PLG: variants seen among roughly 807,000 people sequenced by gnomAD.
PLG encodes the protein plasmin.
In PLG, 41 loss-of-function variants were observed where a neutral mutation model predicts 104.4. The ratio of observed to expected loss-of-function variants is 0.39; its 90% CI spans 0.31 to 0.51. The LOEUF (loss-of-function observed/expected upper bound fraction) is 0.51. Among genes scored for constraint, PLG ranks in the 20% least tolerant of loss-of-function variants. The pLI, the probability that PLG is intolerant of heterozygous loss-of-function variation, is 0.76. For synonymous variants in PLG, 337 were observed against 357.1 expected (o/e 0.94, Z 0.63); for missense variants, 891 against 1,003.6 (o/e 0.89, Z 1.52).
chr6:160,709,417 T>C (rs1412028153), intron 3 of PLG, among the ~76,000 whole-genome samples: 1 of 152,204 alleles, frequency 6.6e-6, no homozygotes, highest in East Asian at 1.9e-4. Flanking sequence ...CTTCCCTGTT[T>C]AAAGCCCTTC....
chr6:160,724,927 G>A lies in PLG; in HGVS notation c.1256+2360G>A, dbSNP rs568285269. Among the ~76,000 whole-genome samples the A allele has an allele frequency of 6.6e-6, 1 of 152,314 alleles. No homozygotes were observed. Among genetic ancestry groups the A allele is most frequent in the Admixed American group, 6.5e-5 (1 of 15,292 alleles). ...ATGAAGAACCCTGGAAATGGCAAATGTAAAAGATTCATATTTAATGCCTTA... is the reference window on the plus strand; with the variant it reads ...ATGAAGAACCCTGGAAATGGCAAATATAAAAGATTCATATTTAATGCCTTA... On this transcript the variant is annotated intron_variant, in intron 10 of 18. Coordinates refer to ENST00000308192, the MANE Select transcript of PLG (RefSeq NM_000301.5). This position sits in a 1 kb window ranked among gnomAD's most constrained non-coding sequence, Gnocchi z 5.0.
rs1020833819 is a variant in PLG at position 160,736,501 on chromosome 6, G to T, written c.1682-386G>T. Among the ~76,000 whole-genome samples, 1 of 152,186 alleles carries T rather than the reference G, an allele frequency of 6.6e-6. No individual in the cohort carries two copies. Among genetic ancestry groups the T allele is most frequent in the Non-Finnish European group, 1.5e-5 (1 of 68,030 alleles). ...GTAAACTTTACATGGTTTAGATGGT[G>T]ATGGTGATGATGATGATTATGGGAA... is the stretch of plus-strand genomic sequence containing the variant. On this transcript the variant is annotated intron_variant, in intron 13 of 18. Coordinates refer to ENST00000308192, the MANE Select transcript of PLG (RefSeq NM_000301.5). This position sits in a 1 kb window ranked among gnomAD's most constrained non-coding sequence, Gnocchi z 5.2.
At position 160,748,542 on chromosome 6, in the gene PLG, T is replaced by C. The variant is rs138722044; in HGVS notation, c.2126-3573T>C. ...AGCTGAAATGTGGGCTGCAGGGCTA[T>C]TGGGGGAGAAACAATAAGAAAGTGC... On this transcript the variant is annotated intron_variant, in intron 17 of 18. Transcript: ENST00000308192. 2.0e-4 allele frequency among the ~76,000 whole-genome samples: 31 copies of C among 151,488 alleles called. No homozygotes were observed. In the East Asian group the frequency reaches 4.1e-3, roughly 20 times the overall value.
Position 160,716,752 on chromosome 6 carries a change from T to A in PLG, c.776T>A (p.Ile259Asn). 1 of 1,587,800 alleles carries A rather than the reference T, an allele frequency of 6.3e-7. No homozygotes were observed. Among genetic ancestry groups the A allele is most frequent in the East Asian group, 2.2e-5 (1 of 44,764 alleles). Residue 259 changes from isoleucine (I) to asparagine (N), a missense_variant, in exon 7 of 19, where the codon ATC becomes AAC. Coordinates refer to ENST00000308192, the MANE Select transcript of PLG (RefSeq NM_000301.5). ...AACAAGCGCTGGGAACTTTGTGACA[T>A]CCCCCGCTGCAGTGAGTATGATGCA... Reference protein sequence around the residue: ...DPNKRWELCDIPRCTTPPPSS... With the variant: ...DPNKRWELCDNPRCTTPPPSS...
chr6:160,741,988 T>G lies in PLG; in HGVS notation c.2125+571T>G, dbSNP rs921684569. Among the ~76,000 whole-genome samples the G allele has an allele frequency of 2.0e-5, 3 of 152,180 alleles. No homozygotes were observed. The highest frequency in any genetic ancestry group is 2.9e-5 in the Non-Finnish European group (2 of 68,016). On this transcript the variant is annotated intron_variant, in intron 17 of 18. Transcript: ENST00000308192. This position sits in a 1 kb window ranked among gnomAD's most constrained non-coding sequence, Gnocchi z 4.7. The stretch of plus-strand genomic sequence containing the variant: ...CCATTCATGTTCCTGTAAAAGATAT[T>G]ACCTCATTCTTTCTTATGGCTAAAC...
chr6:160,723,295 A>G lies in PLG; in HGVS notation c.1256+728A>G, dbSNP rs1429937949. Among the ~76,000 whole-genome samples the G allele has an allele frequency of 6.6e-6, 1 of 152,212 alleles. No individual in the cohort carries two copies. Among genetic ancestry groups the G allele is most frequent in the Non-Finnish European group, 1.5e-5 (1 of 68,044 alleles). On this transcript the variant is annotated intron_variant, in intron 10 of 18. Transcript: ENST00000308192. The surrounding 1 kb of genome is among the most constrained non-coding windows in gnomAD (Gnocchi z 4.7). ...CAGGATACGCAGATGCTGAACAGCG[A>G]AAGAGGCCATTAGATGAACAGAAAA...
chr6:160,750,637 G>A (rs1269974235), intron 17 of PLG, among the ~76,000 whole-genome samples: 3 of 152,298 alleles, frequency 2.0e-5, no homozygotes, highest in East Asian at 3.9e-4. Context: ...GGAGCCAGGC[G>A]CTGGGATGAG....
At chr6:160,730,707 G>A (rs1777985741) in intron 10 of PLG, 2 of 270,752 alleles carry the variant, frequency 7.4e-6, no homozygotes, top group African/African-American at 2.2e-5. Context: ...TATAAAATAT[G>A]CACTTTAAAA....
In PLG at chr6:160,752,101, C is replaced by G; in HGVS notation, c.2126-14C>G. ...TGGGTGCAGTTGCCATTTCTTTCAT[C>G]TTTTTAAACACAGGTACTTTTGGAG... is the stretch of plus-strand genomic sequence containing the variant. On this transcript the variant is annotated splice_polypyrimidine_tract_variant and intron_variant, in intron 17 of 18. Transcript: ENST00000308192. The surrounding 1 kb of genome is among the most constrained non-coding windows in gnomAD (Gnocchi z 4.7). 1 of 1,612,360 alleles carries G rather than the reference C, an allele frequency of 6.2e-7. No individual in the cohort carries two copies. Among genetic ancestry groups the G allele is most frequent in the Non-Finnish European group, 8.5e-7 (1 of 1,178,566 alleles).
Position 160,716,491 on chromosome 6 carries a change from T to A in PLG, c.669-154T>A, listed in dbSNP as rs4252108. Among the ~76,000 whole-genome samples, 102,620 of 151,974 alleles carry A rather than the reference T, an allele frequency of 0.68. 35,141 individuals are homozygous for A. The highest frequency in any genetic ancestry group is 0.81 in the Middle Eastern group (238 of 294). Reference sequence around the variant, plus strand: ...GAATACAGGGCCAACCTTGTTTCCTTGTTGCCATCTCTGAACACAGCCTTC... The same window carrying A: ...GAATACAGGGCCAACCTTGTTTCCTAGTTGCCATCTCTGAACACAGCCTTC... On this transcript the variant is annotated intron_variant, in intron 6 of 18. Coordinates refer to ENST00000308192, the MANE Select transcript of PLG (RefSeq NM_000301.5).
chr6:160,735,653 G>A lies in PLG; in HGVS notation c.1682-1234G>A, dbSNP rs1003427064. ...TTGACTCGTGCTTGAGAAAGCTAGA[G>A]CCTCTGGTGGTGAATGATTTTAATA... On this transcript the variant is annotated intron_variant, in intron 13 of 18. Coordinates refer to ENST00000308192, the MANE Select transcript of PLG (RefSeq NM_000301.5). This position sits in a 1 kb window ranked among gnomAD's most constrained non-coding sequence, Gnocchi z 5.4. Among the ~76,000 whole-genome samples the A allele has an allele frequency of 6.6e-6, 1 of 152,174 alleles. No homozygotes were observed. Among genetic ancestry groups the A allele is most frequent in the Non-Finnish European group, 1.5e-5 (1 of 68,028 alleles).
intron 1 of PLG, among the ~76,000 whole-genome samples, chr6:160,703,835 T>G (rs1313683097): frequency 6.6e-6 from 1 of 152,198 alleles, no homozygotes; most frequent in Non-Finnish European, 1.5e-5. Context: ...TTAACATATG[T>G]TTTAACCCAC....
In PLG at chr6:160,716,739, G is replaced by A. The variant is rs760649328; in HGVS notation, c.763G>A (p.Glu255Lys). 6.2e-7 allele frequency: 1 copy of A among 1,610,054 alleles called. No homozygotes were observed. The highest frequency in any genetic ancestry group is 8.5e-7 in the Non-Finnish European group (1 of 1,176,280). The change falls in exon 7 of 19, where the codon GAA (glutamate) becomes AAA (lysine). Residue 255 changes from glutamate (E) to lysine (K), a missense_variant. Physicochemically the swap from Glu to Lys is moderately conservative, Grantham distance 56 (BLOSUM62 1). Transcript: ENST00000308192. ...CFTTDPNKRW[E>K]LCDIPRCTTP... The stretch of plus-strand genomic sequence containing the variant: ...CACCACCGACCCCAACAAGCGCTGG[G>A]AACTTTGTGACATCCCCCGCTGCAG...
At chr6:160,751,271 G>A (rs982660880) in intron 17 of PLG, among the ~76,000 whole-genome samples, 4 of 152,204 alleles carry the variant, frequency 2.6e-5, no homozygotes, top group African/African-American at 7.2e-5. Flanking sequence ...CAAGAGTGGG[G>A]CCAACACGCA....
chr6:160,708,853 C>T (rs762803860), intron 3 of PLG, among the ~76,000 whole-genome samples: 47 of 152,020 alleles, frequency 3.1e-4, no homozygotes, highest in Admixed American at 1.5e-3. Context: ...CTATTTATCT[C>T]GAATTCTTGA....
In PLG at chr6:160,731,686, T is replaced by G; in HGVS notation, c.1439-59T>G. Reference sequence around the variant, plus strand: ...GAGAAACCTGACATGACTGTATTGATTCCATATCATCCTGGGTCTCTGTGG... The same window carrying G: ...GAGAAACCTGACATGACTGTATTGAGTCCATATCATCCTGGGTCTCTGTGG... On this transcript the variant is annotated intron_variant, in intron 11 of 18. Coordinates refer to ENST00000308192, the MANE Select transcript of PLG (RefSeq NM_000301.5). The surrounding 1 kb of genome is among the most constrained non-coding windows in gnomAD (Gnocchi z 5.1). The G allele has an allele frequency of 6.6e-7, 1 of 1,524,202 alleles. No homozygotes were observed. Among genetic ancestry groups the G allele is most frequent in the African/African-American group, 1.4e-5 (1 of 73,282 alleles). 94.4% of individuals were successfully genotyped at this position (1,524,202 alleles called of 1,614,324 possible).
At position 160,731,303 on chromosome 6, in the gene PLG, T is replaced by G. The variant is rs552097877; in HGVS notation, c.1438+71T>G. On this transcript the variant is annotated intron_variant, in intron 11 of 18. Transcript: ENST00000308192. This position sits in a 1 kb window ranked among gnomAD's most constrained non-coding sequence, Gnocchi z 5.1. ...GAAAAGCCATGGAAAATCTCACTGA[T>G]GCAGAAACCTTCCATGCTACACGAG... The G allele has an allele frequency of 9.9e-5, 130 of 1,309,082 alleles. 1 individual carries two copies. Among genetic ancestry groups the G allele is most frequent in the Non-Finnish European group, 1.4e-4 (127 of 903,690 alleles). 81.1% of individuals were successfully genotyped at this position (1,309,082 alleles called of 1,614,324 possible).
chr6:160,730,864 T>A (rs1777988631), intron 10 of PLG, 187 bp from the exon 11 acceptor site: 2 of 586,708 alleles, frequency 3.4e-6, no homozygotes, highest in Non-Finnish European at 3.0e-6. Flanking sequence ...TTAAAATCTG[T>A]CTTTGAAATG....
In PLG at chr6:160,709,412, CT is replaced by C. The variant is rs2115154050; in HGVS notation, c.292+1607del. 2.0e-5 allele frequency among the ~76,000 whole-genome samples: 3 copies of C among 152,308 alleles called. 1 individual carries two copies. Among genetic ancestry groups the C allele is most frequent in the South Asian group, 4.1e-4 (2 of 4,820 alleles). ...ATGATCTCTAAGAAATGTAACTTCCCTGTTTAAAGCCCTTCCTAGTGCCCTT... is the reference window on the plus strand; with the variant it reads ...ATGATCTCTAAGAAATGTAACTTCCCGTTTAAAGCCCTTCCTAGTGCCCTT... On this transcript the variant is annotated intron_variant, in intron 3 of 18. Coordinates refer to ENST00000308192, the MANE Select transcript of PLG (RefSeq NM_000301.5).
Sources: allele counts gnomAD v4.1 joint callset (sites outside exome capture counted in the v4.1 genomes callset), GRCh38; gene constraint gnomAD v4.1.1; non-coding constraint Gnocchi (gnomAD v3.1); transcripts MANE v1.5; gene names NCBI Gene and HGNC (gene_info 2026-07-23, HGNC 2026-07-21).